IKBKB-DT: variants seen among roughly 807,000 people sequenced by gnomAD.
The protein encoded by IKBKB-DT is IKBKB antisense RNA.
chr8:42,242,080 T>G (rs1807011514), intron 3 of IKBKB-DT, among the ~76,000 whole-genome samples: 1 of 152,130 alleles, frequency 6.6e-6, no homozygotes. Flanking sequence ...CTGGGCATGT[T>G]GGTGCGCGCC....
At chr8:42,256,580 AT>A (rs543268644) in intron 3 of IKBKB-DT, among the ~76,000 whole-genome samples, 40 of 152,280 alleles carry the variant, frequency 2.6e-4, no homozygotes, top group Admixed American at 2.1e-3. Context: ...CTCAAAAAAA[AT>A]AATAATAATT....
At chr8:42,246,081 G>C (rs919446267) in intron 3 of IKBKB-DT, among the ~76,000 whole-genome samples, 2 of 152,162 alleles carry the variant, frequency 1.3e-5, no homozygotes, top group African/African-American at 4.8e-5. Flanking sequence ...CTGTCACCCA[G>C]GCTAGAGCGC....
At chr8:42,256,407 CAAA>C (rs111851763) in intron 3 of IKBKB-DT, among the ~76,000 whole-genome samples, 1 of 110,920 alleles carries the variant, frequency 9.0e-6, no homozygotes, top group African/African-American at 3.1e-5. Flanking sequence ...ACCAAAAATA[CAAA>C]AAAAAAAAAA....
intron 3 of IKBKB-DT, among the ~76,000 whole-genome samples, chr8:42,254,980 A>G (rs1807178646): frequency 6.6e-6 from 1 of 151,674 alleles, no homozygotes; most frequent in Non-Finnish European, 1.5e-5. Flanking sequence ...CTGTCTGGCA[A>G]ATGAGGAGTG....
intron 1 of IKBKB-DT, among the ~76,000 whole-genome samples, chr8:42,270,120 C>A (rs1807530866): frequency 6.6e-6 from 1 of 151,904 alleles, no homozygotes; most frequent in Non-Finnish European, 1.5e-5. Context: ...TACTTTTAGC[C>A]ACGGATTAAG....
At chr8:42,256,736 T>A (rs1229846643) in intron 3 of IKBKB-DT, among the ~76,000 whole-genome samples, 1 of 152,120 alleles carries the variant, frequency 6.6e-6, no homozygotes, top group African/African-American at 2.4e-5. Flanking sequence ...CTTAAAGTCA[T>A]CAGGAACGTG....
intron 3 of IKBKB-DT, among the ~76,000 whole-genome samples, chr8:42,262,977 G>A (rs940580412): frequency 6.6e-6 from 1 of 152,124 alleles, no homozygotes; most frequent in South Asian, 2.1e-4. Context: ...CTGGGCTCAA[G>A]TGATCCACCA....
chr8:42,261,525 T>A (rs971655861), intron 3 of IKBKB-DT, among the ~76,000 whole-genome samples: 4 of 152,190 alleles, frequency 2.6e-5, no homozygotes, highest in Admixed American at 1.3e-4. Context: ...ACCCTGTAGT[T>A]CAAGAATGCA....
chr8:42,250,755 T>A (rs1807120447), intron 3 of IKBKB-DT, among the ~76,000 whole-genome samples: 1 of 152,130 alleles, frequency 6.6e-6, no homozygotes, highest in Admixed American at 6.5e-5. Flanking sequence ...CAGTGGTGTG[T>A]GTCTGTAATT....
chr8:42,264,081 G>A lies in IKBKB-DT; in HGVS notation n.1386-609C>T, dbSNP rs1225230796. Among the ~76,000 whole-genome samples the A allele has an allele frequency of 3.3e-5, 5 of 151,344 alleles. No individual in the cohort carries two copies. The South Asian group carries it at 6.3e-4, about 19-fold the overall frequency. Reference sequence around the variant, plus strand: ...CCTGCCTTGGTCTCCCAAAGCGCTGGGATTACAGGTGTGAGCCACTACGCC... The same window carrying A: ...CCTGCCTTGGTCTCCCAAAGCGCTGAGATTACAGGTGTGAGCCACTACGCC... On this transcript the variant is annotated intron_variant and non_coding_transcript_variant, in intron 2 of 3. Transcript: ENST00000518213.
At chr8:42,237,988 G>A (rs1312692695) in intron 3 of IKBKB-DT, among the ~76,000 whole-genome samples, 1 of 126,662 alleles carries the variant, frequency 7.9e-6, no homozygotes, top group Non-Finnish European at 1.6e-5. Context: ...TGGTACCACT[G>A]CACTCCAGCC....
chr8:42,238,792 C>T (rs1054628184), intron 3 of IKBKB-DT, among the ~76,000 whole-genome samples: 10 of 152,158 alleles, frequency 6.6e-5, no homozygotes, highest in Non-Finnish European at 8.8e-5. Context: ...TTACTTAGCA[C>T]GAGGGCTCTT....
chr8:42,246,928 A>G (rs772799006), intron 3 of IKBKB-DT, among the ~76,000 whole-genome samples: 26 of 152,192 alleles, frequency 1.7e-4, no homozygotes, highest in Non-Finnish European at 3.1e-4. Flanking sequence ...CATAGGGAGC[A>G]GACAACCTAG....
intron 3 of IKBKB-DT, among the ~76,000 whole-genome samples, chr8:42,252,836 A>T (rs768373783): frequency 1.3e-5 from 2 of 152,234 alleles, no homozygotes; most frequent in Non-Finnish European, 2.9e-5. Flanking sequence ...TTCTCATCAG[A>T]TGGGTTTTAT....
rs557363942 is a variant in IKBKB-DT, at chr8:42,255,789, G to C, written n.1529+7540C>G. ...ACCTGTAATCCCAGCACTTTGGGAG[G>C]CCGAGGCGGGTGGATCACGAGGTCA... is the stretch of plus-strand genomic sequence containing the variant. On this transcript the variant is annotated intron_variant and non_coding_transcript_variant, in intron 3 of 3. Coordinates refer to ENST00000518213, the Ensembl canonical transcript of IKBKB-DT. Among the ~76,000 whole-genome samples, 3 of 152,228 alleles carry C rather than the reference G, an allele frequency of 2.0e-5. No homozygotes were observed. The South Asian group carries it at 6.2e-4, about 32-fold the overall frequency.
chr8:42,248,869 C>CA (rs1326485245), intron 3 of IKBKB-DT, among the ~76,000 whole-genome samples: 3,473 of 67,728 alleles, frequency 0.051, 148 homozygotes, highest in African/African-American at 0.14. Context: ...GAGGCTCTAC[C>CA]AAAAAAAAAA....
chr8:42,240,424 A>C lies in IKBKB-DT; in HGVS notation n.1530-6565T>G, dbSNP rs893700536. On this transcript the variant is annotated intron_variant and non_coding_transcript_variant, in intron 3 of 3. Transcript: ENST00000518213. ...CAGATCACGAGGTCAGGAGATCGAG[A>C]CCATCCTGGCTAACACAGTGAAACC... Among the ~76,000 whole-genome samples the C allele has an allele frequency of 1.2e-4, 17 of 147,766 alleles. No individual in the cohort carries two copies. The East Asian group carries it at 3.5e-3, about 31-fold the overall frequency.
At chr8:42,241,847 C>G (rs555277199) in intron 3 of IKBKB-DT, among the ~76,000 whole-genome samples, 2 of 152,260 alleles carry the variant, frequency 1.3e-5, no homozygotes, top group East Asian at 3.9e-4. Flanking sequence ...GTATGGAACT[C>G]AAGCTTCAGT....
exon 2 of IKBKB-DT, chr8:42,265,829 C>T (rs548031376): frequency 6.6e-6 from 1 of 152,046 alleles, no homozygotes; most frequent in East Asian, 1.9e-4. Flanking sequence ...AAATCCTTGC[C>T]TTTGCTTGTT....
Sources: gnomAD v4.1 joint callset for allele counts (sites outside exome capture counted in the v4.1 genomes callset) on GRCh38, gnomAD v4.1.1 for gene constraint, MANE v1.5 for transcripts, NCBI Gene and HGNC (gene_info 2026-07-23, HGNC 2026-07-21) for gene names.